Variants in WWOX observed in about 807,000 individuals in gnomAD.
WWOX encodes WW domain-containing oxidoreductase.
In WWOX, 69 loss-of-function variants were observed where a neutral mutation model predicts 46.2. The observed-to-expected ratio is 1.49, with a 90% CI of 1.23 to 1.82. WWOX has a LOEUF of 1.82. WWOX is among the 40% of genes most tolerant of loss of function. The probability of loss-of-function intolerance (pLI) is 0.00; values close to 1 mark genes in which losing one functional copy is unlikely to be tolerated. For synonymous variants in WWOX, 359 were observed against 202.6 expected (o/e 1.77, Z -6.56); for missense variants, 919 against 542.6 (o/e 1.69, Z -6.89).
intron 8 of WWOX, among the ~76,000 whole-genome samples, chr16:78,679,729 C>T (rs563275323): frequency 6.6e-6 from 1 of 152,146 alleles, no homozygotes; most frequent in African/African-American, 2.4e-5. Context: ...GTGGAAAATG[C>T]ACATTTAATA....
rs547392116 is a variant in WWOX at position 78,413,281 on chromosome 16, G to A, written c.606-11589G>A. 4.6e-5 allele frequency among the ~76,000 whole-genome samples: 7 copies of A among 152,262 alleles called. No homozygotes were observed. The South Asian group carries it at 1.5e-3, about 32-fold the overall frequency. ...TCTGGGAGTGCTGATTGTCTCACGT[G>A]TCCATGTGAAGAGACCACCAAACAG... On this transcript the variant is annotated intron_variant, in intron 6 of 8. Coordinates refer to ENST00000566780, the MANE Select transcript of WWOX (RefSeq NM_016373.4).
At chr16:78,710,420 G>T (rs548240112) in intron 8 of WWOX, among the ~76,000 whole-genome samples, 35 of 138,356 alleles carry the variant, frequency 2.5e-4, no homozygotes, top group African/African-American at 7.5e-4. Flanking sequence ...GGCCACACCA[G>T]TGGGATGCAA....
intron 8 of WWOX, among the ~76,000 whole-genome samples, chr16:78,687,575 G>A (rs2047891926): frequency 6.8e-6 from 1 of 147,194 alleles, no homozygotes; most frequent in African/African-American, 2.5e-5. Context: ...ATGAGGTTGG[G>A]TAATGAAGAG....
At chr16:78,708,581 C>G (rs1027278760) in intron 8 of WWOX, among the ~76,000 whole-genome samples, 2 of 152,064 alleles carry the variant, frequency 1.3e-5, no homozygotes, top group Non-Finnish European at 2.9e-5. Context: ...ACTTGTTACC[C>G]CTTTCCAGAT....
chr16:78,570,255 AAAACTTGCGT>A (rs1486042770), intron 8 of WWOX, among the ~76,000 whole-genome samples: 2 of 152,148 alleles, frequency 1.3e-5, no homozygotes, highest in Non-Finnish European at 2.9e-5. Flanking sequence ...TATTAATATA[AAAACTTGCGT>A]ATAAATGTCC....
intron 8 of WWOX, among the ~76,000 whole-genome samples, chr16:78,558,112 G>A (rs1597263751): frequency 6.6e-6 from 1 of 152,228 alleles, no homozygotes; most frequent in South Asian, 2.1e-4. Flanking sequence ...GCTCATTCTT[G>A]GCTTTCAGAG....
At chr16:78,624,006 A>G (rs780604163) in intron 8 of WWOX, among the ~76,000 whole-genome samples, 8 of 152,162 alleles carry the variant, frequency 5.3e-5, no homozygotes, top group South Asian at 2.1e-4. Flanking sequence ...AGGTTGCACC[A>G]TCCACTTTAT....
In WWOX at chr16:79,178,795, C is replaced by T. The variant is rs999104908; in HGVS notation, c.1057-32813C>T. ...CTAATTTTATGACAGTTTCCAACTA[C>T]AATTTTTTTCCTCTTTGCTTTCTTT... On this transcript the variant is annotated intron_variant, in intron 8 of 8. Coordinates refer to ENST00000566780, the MANE Select transcript of WWOX (RefSeq NM_016373.4). 5.3e-5 allele frequency among the ~76,000 whole-genome samples: 8 copies of T among 152,284 alleles called. No individual in the cohort carries two copies. In the East Asian group the frequency reaches 1.2e-3, roughly 22 times the overall value.
intron 5 of WWOX, among the ~76,000 whole-genome samples, chr16:78,321,262 G>A (rs367813765): frequency 7.0e-6 from 1 of 142,684 alleles, no homozygotes; most frequent in South Asian, 2.3e-4. Flanking sequence ...CAACACGTAG[G>A]TTCTTAGTTT....
At chr16:78,289,831 T>A (rs568252197) in intron 5 of WWOX, among the ~76,000 whole-genome samples, 1 of 151,942 alleles carries the variant, frequency 6.6e-6, no homozygotes, top group Non-Finnish European at 1.5e-5. Context: ...CGCCGTTTGC[T>A]TGATAGGTGT....
chr16:78,605,983 G>C (rs925511222), intron 8 of WWOX, among the ~76,000 whole-genome samples: 1 of 152,188 alleles, frequency 6.6e-6, no homozygotes, highest in Non-Finnish European at 1.5e-5. Context: ...GCTTTGGCTG[G>C]AGTAGTACTG....
At chr16:78,572,730 C>G (rs1470643223) in intron 8 of WWOX, among the ~76,000 whole-genome samples, 1 of 147,692 alleles carries the variant, frequency 6.8e-6, no homozygotes, top group Middle Eastern at 3.7e-3. Flanking sequence ...ATAAAGAAAA[C>G]CAAGGGAATG....
At chr16:78,308,933 C>G (rs2080182413) in intron 5 of WWOX, among the ~76,000 whole-genome samples, 1 of 152,190 alleles carries the variant, frequency 6.6e-6, no homozygotes, top group African/African-American at 2.4e-5. Context: ...ATCTGTTGAT[C>G]TCGGGTGTTT....
At chr16:78,703,319 C>G (rs190907779) in intron 8 of WWOX, among the ~76,000 whole-genome samples, 14 of 152,210 alleles carry the variant, frequency 9.2e-5, no homozygotes, top group Admixed American at 5.9e-4. Flanking sequence ...AAATTTCTAA[C>G]AAAATGGGAG....
At chr16:78,413,311 T>C (rs1478516665) in intron 6 of WWOX, among the ~76,000 whole-genome samples, 1 of 152,134 alleles carries the variant, frequency 6.6e-6, no homozygotes, top group Non-Finnish European at 1.5e-5. Context: ...AAACAGGGTT[T>C]GTGTGAACAA....
At chr16:78,406,942 T>C (rs897373318) in intron 6 of WWOX, among the ~76,000 whole-genome samples, 1 of 152,152 alleles carries the variant, frequency 6.6e-6, no homozygotes, top group African/African-American at 2.4e-5. Flanking sequence ...AAATAATTTT[T>C]ATAAACTCCT....
intron 8 of WWOX, among the ~76,000 whole-genome samples, chr16:78,769,604 A>C (rs557131749): frequency 6.8e-6 from 1 of 146,306 alleles, no homozygotes; most frequent in African/African-American, 2.5e-5. Flanking sequence ...CTGTTACTCC[A>C]TCAGTCAGGA....
intron 1 of WWOX, among the ~76,000 whole-genome samples, chr16:78,104,021 C>T (rs1400604431): frequency 1.3e-5 from 2 of 152,040 alleles, no homozygotes; most frequent in Non-Finnish European, 1.5e-5. Flanking sequence ...TACCCCTCTC[C>T]CCTCACAGTC....
intron 8 of WWOX, among the ~76,000 whole-genome samples, chr16:79,006,319 G>A (rs1040956673): frequency 1.2e-4 from 18 of 152,224 alleles, no homozygotes; most frequent in South Asian, 6.2e-4. Context: ...ACACACAGCC[G>A]TGCAGAGACC....
Sources: allele counts gnomAD v4.1 joint callset (sites outside exome capture counted in the v4.1 genomes callset), GRCh38; gene constraint gnomAD v4.1.1; transcripts MANE v1.5; gene names NCBI Gene and HGNC (gene_info 2026-07-23, HGNC 2026-07-21).